Variants in PODXL observed in about 807,000 individuals in gnomAD.
PODXL encodes podocalyxin like.
In PODXL, 20 loss-of-function variants were observed where a neutral mutation model predicts 48.9. The ratio of observed to expected loss-of-function variants is 0.41; its 90% CI spans 0.29 to 0.59. The LOEUF (loss-of-function observed/expected upper bound fraction) is 0.59, where lower values mean the gene tolerates loss of function less well. PODXL is among the 20% of genes least tolerant of loss of function. The pLI is 0.31. For missense variants in PODXL, 606 were observed against 675.1 expected (o/e 0.90, Z 1.13); for synonymous variants, 295 against 287.4 (o/e 1.03, Z -0.27).
rs765183086 is a variant in PODXL at position 131,509,030 on chromosome 7, TG to T, written c.1024-3del. On this transcript the variant is annotated splice_polypyrimidine_tract_variant and splice_region_variant and intron_variant, in intron 4 of 8. Transcript: ENST00000378555. ...TGTCTCAAGATCCTCACACTTTGCC[TG>T]GAAGAAGCCACTGAGATTAAGGTTT... 4.5e-5 allele frequency: 72 copies of T among 1,612,426 alleles called. No homozygotes were observed. Among genetic ancestry groups the T allele is most frequent in the Non-Finnish European group, 5.9e-5 (70 of 1,178,602 alleles).
chr7:131,514,838 G>A (rs1042994835), intron 1 of PODXL, among the ~76,000 whole-genome samples: 2 of 152,102 alleles, frequency 1.3e-5, no homozygotes, highest in African/African-American at 4.8e-5. Flanking sequence ...CAAACTTCTA[G>A]GCTCAAGTGA....
At chr7:131,514,231 T>C (rs558525415) in intron 1 of PODXL, among the ~76,000 whole-genome samples, 2 of 152,272 alleles carry the variant, frequency 1.3e-5, no homozygotes, top group East Asian at 1.9e-4. Context: ...CTGGCCAACA[T>C]TGTGAAACTT....
chr7:131,508,766 C>T (rs1421763788), intron 5 of PODXL, among the ~76,000 whole-genome samples, 185 bp downstream of exon 5: 1 of 152,014 alleles, frequency 6.6e-6, no homozygotes, highest in African/African-American at 2.4e-5. Flanking sequence ...AAGTCTTAAA[C>T]CTTGGTCTGT....
Position 131,510,232 on chromosome 7 carries a change from ATACC to A in PODXL, c.802_802+3del, listed in dbSNP as rs1223388395. The A allele has an allele frequency of 2.2e-6, 1 of 446,336 alleles. No individual in the cohort carries two copies. Among genetic ancestry groups the A allele is most frequent in the African/African-American group, 2.0e-5 (1 of 49,052 alleles). The allele number at this position is 446,336 out of a possible 1,614,324, so 27.6% of individuals were successfully genotyped here. On this transcript the variant is annotated splice_donor_variant and splice_donor_region_variant and coding_sequence_variant and intron_variant, in exon 3 of 9. Coordinates refer to ENST00000378555, the MANE Select transcript of PODXL (RefSeq NM_001018111.3). LOFTEE classifies it high-confidence loss of function. ...AGGTATCGGCCGGGCATGGTGGCTC[ATACC>A]TGTAATCCCAGCACTTTGGGAGGCC...
rs1158688883 is a variant in PODXL, at chr7:131,509,021, C to A, written c.1031G>T (p.Cys344Phe). The stretch of plus-strand genomic sequence containing the variant: ...CTGTGTCTGTGTCTCAAGATCCTCA[C>A]ACTTTGCCTGGAAGAAGCCACTGAG... The part of the protein sequence containing the change: ...TVAHESNWAK[C>F]EDLETQTQSE... The change falls in exon 5 of 9, where the codon TGT becomes TTT. Residue 344 changes from cysteine (C) to phenylalanine (F), a missense_variant. Physicochemically the swap from Cys to Phe is radical, Grantham distance 205. Coordinates refer to ENST00000378555, the MANE Select transcript of PODXL (RefSeq NM_001018111.3). 6.2e-7 allele frequency: 1 copy of A among 1,613,758 alleles called. No individual in the cohort carries two copies. The highest frequency in any genetic ancestry group is 1.7e-5 in the Admixed American group (1 of 60,016).
intron 1 of PODXL, among the ~76,000 whole-genome samples, chr7:131,551,936 C>CAAA (rs34250804): frequency 3.1e-5 from 4 of 128,542 alleles, no homozygotes; most frequent in African/African-American, 5.6e-5. Context: ...GACTCCATCT[C>CAAA]AAAAAAAAAA....
At position 131,548,079 on chromosome 7, in the gene PODXL, G is replaced by T. The variant is rs755116396; in HGVS notation, c.100+8181C>A. Among the ~76,000 whole-genome samples the T allele has an allele frequency of 1.1e-4, 17 of 152,362 alleles. No individual in the cohort carries two copies. The South Asian group carries it at 1.2e-3, about 11-fold the overall frequency. On this transcript the variant is annotated intron_variant, in intron 1 of 8. Transcript: ENST00000378555. ...CAGCTCAAGACCCAATTAGGAAGGA[G>T]CCAGGTTTCTTTGTGCATTACCAGA...
chr7:131,534,436 C>T (rs760952201), intron 1 of PODXL, among the ~76,000 whole-genome samples: 18 of 152,118 alleles, frequency 1.2e-4, no homozygotes, highest in East Asian at 3.9e-4. Context: ...CCCATCCTGG[C>T]GGGGCAAGGC....
At chr7:131,529,591 C>T (rs1798241239) in intron 1 of PODXL, among the ~76,000 whole-genome samples, 1 of 151,900 alleles carries the variant, frequency 6.6e-6, no homozygotes, top group South Asian at 2.1e-4. Flanking sequence ...CTGCTTACCA[C>T]CCCCAACTCA....
At chr7:131,530,347 CCT>C (rs1798257729) in intron 1 of PODXL, among the ~76,000 whole-genome samples, 1 of 152,060 alleles carries the variant, frequency 6.6e-6, no homozygotes, top group Non-Finnish European at 1.5e-5. Context: ...TATCAGGTGC[CCT>C]CTCTCGCCCC....
chr7:131,509,628 C>A, intron 3 of PODXL, 43 bp from the exon 4 acceptor site: 1 of 1,326,014 alleles, frequency 7.5e-7, no homozygotes, highest in Non-Finnish European at 1.0e-6. Context: ...GATGAGTGCA[C>A]CCTTGCGAGA....
At chr7:131,513,134 T>G (rs757855549) in intron 1 of PODXL, among the ~76,000 whole-genome samples, 1 of 152,094 alleles carries the variant, frequency 6.6e-6, no homozygotes, top group Non-Finnish European at 1.5e-5. Context: ...GCACAGAAGT[T>G]TTATAGGATG....
intron 1 of PODXL, among the ~76,000 whole-genome samples, chr7:131,517,742 G>C (rs1008884016): frequency 6.9e-6 from 1 of 143,964 alleles, no homozygotes; most frequent in Non-Finnish European, 1.5e-5. Flanking sequence ...TCCTCCTTGC[G>C]TAACTCTTTT....
chr7:131,504,396 T>A lies in PODXL; in HGVS notation c.1592A>T (p.Asn531Ile). The change falls in exon 9 of 9, where the codon AAC becomes ATC. Residue 531 changes from asparagine to isoleucine, a missense_variant. Asn to Ile is a moderately radical substitution (Grantham distance 149). Coordinates refer to ENST00000378555, the MANE Select transcript of PODXL (RefSeq NM_001018111.3). Reference sequence around the variant, plus strand: ...GATCCAGCTGTCCCCCAGCTCCCCGTTGAGGCTGACCACCTTCTTCTCCTG... The same window carrying A: ...GATCCAGCTGTCCCCCAGCTCCCCGATGAGGCTGACCACCTTCTTCTCCTG... ...EMQEKKVVSL[N>I]GELGDSWIVP... is the part of the protein sequence containing the mutation. 1 of 1,614,218 alleles carries A rather than the reference T, an allele frequency of 6.2e-7. No homozygotes were observed. The highest frequency in any genetic ancestry group is 8.5e-7 in the Non-Finnish European group (1 of 1,180,036).
intron 1 of PODXL, among the ~76,000 whole-genome samples, chr7:131,537,542 G>A (rs539007504): frequency 3.9e-5 from 6 of 152,038 alleles, no homozygotes; most frequent in South Asian, 2.1e-4. Context: ...GCAGTGAGCC[G>A]AGATTACACC....
At chr7:131,508,907 G>C (rs1797857467) in intron 5 of PODXL, 44 bp downstream of exon 5, 1 of 1,340,200 alleles carries the variant, frequency 7.5e-7, no homozygotes, top group Non-Finnish European at 1.1e-6. Context: ...CCTCAGCCCT[G>C]CTGTGAGCCT....
chr7:131,551,733 G>A (rs1311308325), intron 1 of PODXL, among the ~76,000 whole-genome samples: 2 of 151,746 alleles, frequency 1.3e-5, no homozygotes, highest in Admixed American at 6.6e-5. Context: ...TCAGGAGATC[G>A]AGACCTTCCT....
rs1190091611 is a variant in PODXL, at chr7:131,511,413, A to G, written c.121T>C (p.Ser41Pro). The G allele has an allele frequency of 6.2e-7, 1 of 1,600,894 alleles. No homozygotes were observed. The highest frequency in any genetic ancestry group is 8.5e-7 in the Non-Finnish European group (1 of 1,179,832). Residue 41 changes from serine (S) to proline (P), a missense_variant, in exon 2 of 9, where the codon TCA becomes CCA. By Grantham distance (74) the Ser-to-Pro change is moderately conservative. Coordinates refer to ENST00000378555, the MANE Select transcript of PODXL (RefSeq NM_001018111.3). Reference sequence around the variant, plus strand: ...GGAGTCGGTGCTGTTTTGTTAGATGAGTCCGTAGTAGTCTGGGTTGCTGTT... The same window carrying G: ...GGAGTCGGTGCTGTTTTGTTAGATGGGTCCGTAGTAGTCTGGGTTGCTGTT... ...SQNATQTTTD[S>P]SNKTAPTPAS...
chr7:131,521,098 G>A (rs1798085414), intron 1 of PODXL, among the ~76,000 whole-genome samples: 1 of 150,316 alleles, frequency 6.7e-6, no homozygotes, highest in Admixed American at 6.7e-5. Flanking sequence ...AACCCAGGAG[G>A]CAGAGACTAC....
Sources: gnomAD v4.1 joint callset for allele counts (sites outside exome capture counted in the v4.1 genomes callset) on GRCh38, gnomAD v4.1.1 for gene constraint, MANE v1.5 for transcripts, NCBI Gene and HGNC (gene_info 2026-07-23, HGNC 2026-07-21) for gene names.